The following MYRIP variants were observed in gnomAD, a reference collection of about 807,000 sequenced individuals.
The protein encoded by MYRIP is rab effector MyRIP.
Under a neutral mutation model 98.0 loss-of-function variants are expected in MYRIP, and 49 were observed. The observed-to-expected ratio is 0.50, with a 90% CI of 0.40 to 0.63. MYRIP has a LOEUF of 0.63. Among genes scored for constraint, MYRIP ranks in the 30% least tolerant of loss-of-function variants. The probability of loss-of-function intolerance (pLI) is 0.00; values close to 1 mark genes in which losing one functional copy is unlikely to be tolerated. For synonymous variants in MYRIP, 404 were observed against 409.5 expected, an observed-to-expected ratio of 0.99 and a Z score of 0.16; for missense variants, 1,004 against 1,058.2, an observed-to-expected ratio of 0.95 and a Z score of 0.71.
intron 2 of MYRIP, among the ~76,000 whole-genome samples, chr3:40,039,181 A>G (rs1947455391): frequency 1.3e-5 from 2 of 152,138 alleles, no homozygotes; most frequent in African/African-American, 2.4e-5. Context: ...TGAACTGAAA[A>G]GAAGGGATTT....
At chr3:40,212,145 TATATATACGTGTATATATATATAC>T (rs1486892246) in intron 11 of MYRIP, among the ~76,000 whole-genome samples, 313 of 12,006 alleles carry the variant, frequency 0.026, 57 homozygotes, top group African/African-American at 0.046. Context: ...TATATATACA[TATATATACGTGTATATATATATAC>T]ATATATATAC....
rs551928558 is a variant in MYRIP, at chr3:40,059,919, C to T, written c.332+15648C>T. On this transcript the variant is annotated intron_variant, in intron 3 of 16. Transcript: ENST00000302541. ...ATTCACATGATGGGACTTTGTGAGG[C>T]AAACTGGAAGGCTCATGCCAGTCCA... Among the ~76,000 whole-genome samples, 11 of 152,222 alleles carry T rather than the reference C, an allele frequency of 7.2e-5. No individual in the cohort carries two copies. In the South Asian group the frequency reaches 2.1e-3, roughly 29 times the overall value.
chr3:40,203,022 C>G (rs1432604577), intron 10 of MYRIP, among the ~76,000 whole-genome samples: 2 of 151,894 alleles, frequency 1.3e-5, no homozygotes, highest in Non-Finnish European at 2.9e-5. Flanking sequence ...CTCCACCTCC[C>G]AGGTTCAAGC....
intron 12 of MYRIP, among the ~76,000 whole-genome samples, chr3:40,242,834 C>T (rs1433603907): frequency 1.3e-5 from 2 of 152,026 alleles, no homozygotes; most frequent in South Asian, 4.1e-4. Flanking sequence ...GTTTCTCCCC[C>T]TTTTCCCCAC....
chr3:40,189,942 G>A lies in MYRIP; in HGVS notation c.1144G>A (p.Val382Met). 1.2e-6 allele frequency: 2 copies of A among 1,614,190 alleles called. No individual in the cohort carries two copies. Among genetic ancestry groups the A allele is most frequent in the Non-Finnish European group, 1.7e-6 (2 of 1,180,034 alleles). ...GAGCGGGACGTTTCAGGCCCTGGAG[G>A]TGGCCTCCAGTGTGGCATCTGCCTA... ...PKSGTFQALE[V>M]ASSVASAYDE... The change falls in exon 10 of 17, where the codon GTG (valine) becomes ATG (methionine). Residue 382 changes from valine (V) to methionine (M), a missense_variant. Physicochemically the swap from Val to Met is conservative, Grantham distance 21. Transcript: ENST00000302541.
Position 40,244,613 on chromosome 3 carries a change from A to G in MYRIP, c.2262+6A>G, listed in dbSNP as rs1953127678. The G allele has an allele frequency of 1.2e-6, 2 of 1,608,668 alleles. No individual in the cohort carries two copies. Among genetic ancestry groups the G allele is most frequent in the South Asian group, 2.2e-5 (2 of 90,252 alleles). ...TCCACCATGCTGAACTCCAGGTGAG[A>G]ACTCTCCTCTCTGCCCACATGGGTC... is the stretch of plus-strand genomic sequence containing the variant. On this transcript the variant is annotated splice_donor_region_variant and intron_variant, in intron 13 of 16. Transcript: ENST00000302541.
intron 8 of MYRIP, among the ~76,000 whole-genome samples, chr3:40,178,949 T>C (rs1459823534): frequency 1.3e-5 from 2 of 152,196 alleles, no homozygotes; most frequent in Non-Finnish European, 2.9e-5. Context: ...TCAAACACTC[T>C]AACTCAGACC....
chr3:40,038,358 A>G (rs1378661744), intron 2 of MYRIP, among the ~76,000 whole-genome samples: 1 of 152,154 alleles, frequency 6.6e-6, no homozygotes, highest in East Asian at 1.9e-4. Context: ...AAATTAGAGA[A>G]AAGAATAAAC....
chr3:40,234,704 A>G (rs1279178973), intron 12 of MYRIP, among the ~76,000 whole-genome samples: 2 of 152,136 alleles, frequency 1.3e-5, no homozygotes, highest in African/African-American at 4.8e-5. Context: ...TAAGATACCA[A>G]CAAAATCTGG....
At chr3:40,188,345 C>T (rs1212266296) in intron 9 of MYRIP, among the ~76,000 whole-genome samples, 1 of 152,202 alleles carries the variant, frequency 6.6e-6, no homozygotes, top group Non-Finnish European at 1.5e-5. Context: ...AGTCCTACTG[C>T]AGCAGGGCTG....
In MYRIP at chr3:39,912,019, C is replaced by T. The variant is rs542944936; in HGVS notation, c.110+11093C>T. Among the ~76,000 whole-genome samples the T allele has an allele frequency of 3.2e-4, 49 of 151,098 alleles. No homozygotes were observed. In the Middle Eastern group the frequency reaches 0.01, roughly 31 times the overall value. ...TTCTCCCAGATGGGGAGATTCCTGT[C>T]CTAGCCCAAAGACTTTTTTGGCTGG... On this transcript the variant is annotated intron_variant, in intron 2 of 16. Transcript: ENST00000302541.
intron 1 of MYRIP, among the ~76,000 whole-genome samples, chr3:39,850,384 A>C (rs142177513): frequency 8.5e-4 from 129 of 152,314 alleles, no homozygotes; most frequent in Non-Finnish European, 1.4e-3. Context: ...AAGGAACAAA[A>C]TTTATCCTGG....
intron 3 of MYRIP, among the ~76,000 whole-genome samples, chr3:40,083,901 G>A (rs1948536897): frequency 6.6e-6 from 1 of 152,012 alleles, no homozygotes; most frequent in South Asian, 2.1e-4. Flanking sequence ...ACTTTGTGAG[G>A]CCAAGGTGGG....
Position 40,044,241 on chromosome 3 carries a change from C to G in MYRIP, c.302C>G (p.Ala101Gly), listed in dbSNP as rs2125832574. The part of the protein sequence containing the change: ...SCCSYQKHEK[A>G]WVCCVCQQAR... Reference sequence around the variant, plus strand: ...TGCTCCTACCAGAAGCACGAAAAGGCCTGGGTCTGCTGCGTCTGCCAGCAA... The same window carrying G: ...TGCTCCTACCAGAAGCACGAAAAGGGCTGGGTCTGCTGCGTCTGCCAGCAA... The change falls in exon 3 of 17, where the codon GCC (alanine) becomes GGC (glycine). Residue 101 changes from alanine to glycine, a missense_variant. Physicochemically the swap from Ala to Gly is moderately conservative, Grantham distance 60. Around this residue, in one of 3 missense-constraint regions of MYRIP, gnomAD observed 880 missense variants for 907.7 expected, o/e 0.97. Transcript: ENST00000302541. 1 of 1,614,182 alleles carries G rather than the reference C, an allele frequency of 6.2e-7. No homozygotes were observed. Among genetic ancestry groups the G allele is most frequent in the East Asian group, 2.2e-5 (1 of 44,872 alleles).
rs142760932 is a variant in MYRIP, at chr3:40,151,175, G to C, written c.460G>C (p.Asp154His). 4.6e-5 allele frequency: 74 copies of C among 1,602,212 alleles called. 1 individual carries two copies. The Middle Eastern group carries it at 9.7e-4, about 21-fold the overall frequency. The change falls in exon 4 of 17, where the codon GAC becomes CAC. Residue 154 changes from aspartate to histidine, a missense_variant. Around this residue, in one of 3 missense-constraint regions of MYRIP, gnomAD observed 880 missense variants for 907.7 expected, o/e 0.97. Coordinates refer to ENST00000302541, the MANE Select transcript of MYRIP (RefSeq NM_015460.4). ...KHRLESGACF[D>H]ILGGSLFESN... Reference sequence around the variant, plus strand: ...CCGGCTGGAGAGTGGCGCGTGCTTCGACATTCTAGGTACTCTCACTTCCTG... The same window carrying C: ...CCGGCTGGAGAGTGGCGCGTGCTTCCACATTCTAGGTACTCTCACTTCCTG...
chr3:40,196,698 AT>A (rs773968219), intron 10 of MYRIP, among the ~76,000 whole-genome samples: 9 of 152,322 alleles, frequency 5.9e-5, no homozygotes, highest in Non-Finnish European at 8.8e-5. Flanking sequence ...ACAAAACTGC[AT>A]GTGTATGTAT....
intron 3 of MYRIP, among the ~76,000 whole-genome samples, chr3:40,126,601 C>T (rs1949530374): frequency 6.6e-6 from 1 of 152,130 alleles, no homozygotes. Context: ...TTATTCTCGT[C>T]ATTTGTATCT....
intron 3 of MYRIP, among the ~76,000 whole-genome samples, chr3:40,074,220 G>T (rs1457908912): frequency 6.6e-6 from 1 of 151,374 alleles, no homozygotes; most frequent in African/African-American, 2.4e-5. Context: ...GACTACAGGT[G>T]CCCACAACCA....
chr3:39,817,631 T>C (rs1245291278), intron 1 of MYRIP, among the ~76,000 whole-genome samples: 1 of 152,186 alleles, frequency 6.6e-6, no homozygotes, highest in East Asian at 1.9e-4. Flanking sequence ...AAATTATCAA[T>C]GGAATGTGTG....
Sources: gnomAD v4.1 joint callset for allele counts (sites outside exome capture counted in the v4.1 genomes callset) on GRCh38, gnomAD v4.1.1 for gene constraint, gnomAD v4.1.1 regional missense constraint, MANE v1.5 for transcripts, NCBI Gene and HGNC (gene_info 2026-07-23, HGNC 2026-07-21) for gene names.